The following CDH12 variants were observed in gnomAD, a reference collection of about 807,000 sequenced individuals.
CDH12 encodes cadherin 12, also known as cadherin-12.
In CDH12, 41 loss-of-function variants were observed where a neutral mutation model predicts 74.1. The observed-to-expected ratio is 0.55, with a 90% CI of 0.43 to 0.72. CDH12 has a LOEUF of 0.72. Ranked by LOEUF, CDH12 falls within the 30% of genes least tolerant of loss-of-function variation. The pLI is 0.00. For missense variants in CDH12, 945 were observed against 977.2 expected (o/e 0.97, Z 0.44); for synonymous variants, 399 against 355.0 (o/e 1.12, Z -1.39).
intron 1 of CDH12, among the ~76,000 whole-genome samples, chr5:22,712,736 T>C (rs1459863289): frequency 1.3e-5 from 2 of 152,142 alleles, no homozygotes; most frequent in Non-Finnish European, 2.9e-5. Context: ...TACAATAAAG[T>C]TTATGTTATT....
At chr5:22,056,335 T>C (rs1292124688) in intron 5 of CDH12, among the ~76,000 whole-genome samples, 1 of 152,184 alleles carries the variant, frequency 6.6e-6, no homozygotes, top group African/African-American at 2.4e-5. Flanking sequence ...TGCTTTCTAA[T>C]AGAAATCATT....
chr5:22,384,520 C>T (rs1235040010), intron 3 of CDH12, among the ~76,000 whole-genome samples: 3 of 71,628 alleles, frequency 4.2e-5, no homozygotes, highest in South Asian at 9.9e-4. Flanking sequence ...AGCGAAACTC[C>T]GTCTCAAAAA....
rs1460878128 is a variant in CDH12, at chr5:22,273,960, T to G, written c.-332-61317A>C. ...ATCATGAGCATTTATCAAAAAAATC[T>G]ACCTTGGACCTTTTTAAAGTATATG... On this transcript the variant is annotated intron_variant, in intron 3 of 14. Transcript: ENST00000382254. Among the ~76,000 whole-genome samples the G allele has an allele frequency of 2.0e-5, 3 of 152,184 alleles. No homozygotes were observed. In the East Asian group the frequency reaches 5.8e-4, roughly 29 times the overall value.
At chr5:21,928,036 T>C (rs1754668395) in intron 6 of CDH12, among the ~76,000 whole-genome samples, 1 of 151,412 alleles carries the variant, frequency 6.6e-6, no homozygotes, top group African/African-American at 2.4e-5. Context: ...CTCGCCACTG[T>C]GCTCCAGCCT....
chr5:22,563,076 T>TTATATATA (rs536093698), intron 1 of CDH12, among the ~76,000 whole-genome samples: 2 of 147,206 alleles, frequency 1.4e-5, no homozygotes, highest in African/African-American at 4.9e-5. Context: ...ATTTATATAT[T>TTATATATA]TATATATATA....
intron 1 of CDH12, among the ~76,000 whole-genome samples, chr5:22,834,166 T>C (rs547147230): frequency 3.9e-5 from 6 of 152,278 alleles, no homozygotes; most frequent in Admixed American, 6.5e-5. Flanking sequence ...AATAGGTGAG[T>C]GTTCAGCATC....
chr5:21,898,617 G>C (rs1407108187), intron 6 of CDH12, among the ~76,000 whole-genome samples: 1 of 152,042 alleles, frequency 6.6e-6, no homozygotes, highest in Non-Finnish European at 1.5e-5. Context: ...CAGGAGAATG[G>C]CGTGAACTTG....
chr5:22,517,327 C>A (rs1208657972), intron 1 of CDH12, among the ~76,000 whole-genome samples: 1 of 151,758 alleles, frequency 6.6e-6, no homozygotes, highest in Non-Finnish European at 1.5e-5. Flanking sequence ...TGAAATTTTG[C>A]CTTCTGCCAC....
At chr5:22,780,312 G>A (rs1419348075) in intron 1 of CDH12, among the ~76,000 whole-genome samples, 1 of 152,130 alleles carries the variant, frequency 6.6e-6, no homozygotes, top group East Asian at 1.9e-4. Context: ...GTTTGCTTGA[G>A]TCCAGGATTT....
At chr5:22,444,279 A>T (rs1744734895) in intron 2 of CDH12, among the ~76,000 whole-genome samples, 2 of 152,058 alleles carry the variant, frequency 1.3e-5, no homozygotes, top group African/African-American at 4.8e-5. Context: ...TTATTGCTAT[A>T]TATTTTAAAT....
At chr5:22,847,103 T>A (rs1044024368) in intron 1 of CDH12, among the ~76,000 whole-genome samples, 1 of 152,200 alleles carries the variant, frequency 6.6e-6, no homozygotes, top group Non-Finnish European at 1.5e-5. Flanking sequence ...ATTGGTGATC[T>A]TCTTCTAGTA....
At chr5:21,765,803 C>A (rs1267800399) in intron 11 of CDH12, among the ~76,000 whole-genome samples, 1 of 152,028 alleles carries the variant, frequency 6.6e-6, no homozygotes, top group Non-Finnish European at 1.5e-5. Context: ...GGATTATTAT[C>A]TGGATCTCTG....
intron 5 of CDH12, among the ~76,000 whole-genome samples, chr5:22,055,369 C>A (rs187618381): frequency 6.6e-6 from 1 of 152,242 alleles, no homozygotes; most frequent in Non-Finnish European, 1.5e-5. Context: ...TAAATCTATA[C>A]AATTGAAGCC....
intron 6 of CDH12, among the ~76,000 whole-genome samples, chr5:21,902,245 A>C (rs1435142872): frequency 6.6e-6 from 1 of 151,038 alleles, no homozygotes. Context: ...CTCTCTCTCT[A>C]CATATATGTA....
intron 5 of CDH12, among the ~76,000 whole-genome samples, chr5:22,022,469 G>C (rs747160631): frequency 6.6e-6 from 1 of 152,070 alleles, no homozygotes; most frequent in Non-Finnish European, 1.5e-5. Context: ...GTGGAACTGT[G>C]AGTCAATTAA....
At chr5:22,725,883 C>T (rs781634612) in intron 1 of CDH12, among the ~76,000 whole-genome samples, 18 of 151,644 alleles carry the variant, frequency 1.2e-4, no homozygotes, top group Non-Finnish European at 2.4e-4. Flanking sequence ...TTATAACTTA[C>T]ACTCCGACAT....
chr5:22,359,425 A>G (rs1038691433), intron 3 of CDH12, among the ~76,000 whole-genome samples: 1 of 151,916 alleles, frequency 6.6e-6, no homozygotes, highest in Non-Finnish European at 1.5e-5. Context: ...CCCAGATTCA[A>G]AAAGCAAGTC....
At chr5:22,011,461 C>T (rs1580110094) in intron 5 of CDH12, among the ~76,000 whole-genome samples, 1 of 152,072 alleles carries the variant, frequency 6.6e-6, no homozygotes, top group Admixed American at 6.6e-5. Flanking sequence ...AATAGTTTTG[C>T]CTTTTATTGA....
intron 5 of CDH12, among the ~76,000 whole-genome samples, chr5:22,056,870 C>G (rs1207024719): frequency 3.3e-5 from 5 of 152,070 alleles, no homozygotes; most frequent in Non-Finnish European, 7.4e-5. Flanking sequence ...TATTCCAAGC[C>G]GGAAAAGAGC....
Sources: gnomAD v4.1 joint callset for allele counts (sites outside exome capture counted in the v4.1 genomes callset) on GRCh38, gnomAD v4.1.1 for gene constraint, MANE v1.5 for transcripts, NCBI Gene and HGNC (gene_info 2026-07-23, HGNC 2026-07-21) for gene names.